Variants in ATP2A2 observed in about 807,000 individuals in gnomAD.
ATP2A2 encodes the protein sarcoplasmic/endoplasmic reticulum calcium ATPase 2.
ATP2A2 carries 14 observed loss-of-function variants against 109.3 expected under a neutral mutation model. That is an observed-to-expected ratio of 0.13 (90% CI 0.08 to 0.20). The LOEUF (loss-of-function observed/expected upper bound fraction) is 0.20, where lower values mean the gene tolerates loss of function less well. Among genes scored for constraint, ATP2A2 ranks in the 10% least tolerant of loss-of-function variants. The pLI, the probability that ATP2A2 is intolerant of heterozygous loss-of-function variation, is 1.00. For missense variants in ATP2A2, 657 were observed against 1,321.6 expected, an observed-to-expected ratio of 0.50 and a Z score of 7.80; for synonymous variants, 506 against 490.9, an observed-to-expected ratio of 1.03 and a Z score of -0.41.
chr12:110,295,001 A>G (rs1026155466), intron 4 of ATP2A2, among the ~76,000 whole-genome samples: 2 of 151,708 alleles, frequency 1.3e-5, no homozygotes, highest in Non-Finnish European at 1.5e-5. Flanking sequence ...TTGTATTTTT[A>G]GTAGAGACAG....
At chr12:110,338,402 G>A (rs770845727) in intron 11 of ATP2A2, among the ~76,000 whole-genome samples, 2 of 152,094 alleles carry the variant, frequency 1.3e-5, no homozygotes, top group Non-Finnish European at 2.9e-5. Context: ...CACCTCCAAC[G>A]TTCCCTAGTT....
intron 4 of ATP2A2, among the ~76,000 whole-genome samples, chr12:110,293,824 ATATGTGTGTGTGTGTGTGTGTG>A (rs1469582823): frequency 1.0e-4 from 13 of 126,382 alleles, no homozygotes; most frequent in Admixed American, 7.1e-4. Flanking sequence ...TGTGCCATAT[ATATGTGTGTGTGTGTGTGTGTG>A]TGTGTGTGTG....
chr12:110,285,977 G>A (rs960695265), intron 3 of ATP2A2, among the ~76,000 whole-genome samples: 1 of 149,030 alleles, frequency 6.7e-6, no homozygotes, highest in African/African-American at 2.5e-5. Flanking sequence ...GGGCTGGAGC[G>A]CAGTGGTGCA....
chr12:110,302,128 G>C (rs928667049), intron 5 of ATP2A2, among the ~76,000 whole-genome samples: 12 of 152,110 alleles, frequency 7.9e-5, no homozygotes, highest in Non-Finnish European at 1.6e-4. Context: ...TTGTGGTAAA[G>C]TATACATATT....
chr12:110,299,265 C>A (rs1874298461), intron 5 of ATP2A2, among the ~76,000 whole-genome samples: 1 of 152,010 alleles, frequency 6.6e-6, no homozygotes, highest in Admixed American at 6.6e-5. Context: ...GCCCACTGCG[C>A]CTGGCCCACA....
intron 18 of ATP2A2, 115 bp downstream of exon 18, chr12:110,345,497 G>C (rs775773963): frequency 3.1e-5 from 47 of 1,496,940 alleles, no homozygotes; most frequent in Admixed American, 5.3e-5. Flanking sequence ...CTTCCCAAAA[G>C]AAAGGAGAAC....
At position 110,347,884 on chromosome 12, in the gene ATP2A2, T is replaced by C. The variant is rs961394181; in HGVS notation, c.*1414T>C. ...GTATGTCACTAACTTATAAGCCGCC[T>C]CCATGGCAGATGCTGCTGTGCTCCC... On this transcript the variant is annotated 3_prime_UTR_variant, in exon 20 of 20. Transcript: ENST00000539276. 5.0e-6 allele frequency: 5 copies of C among 997,890 alleles called. No homozygotes were observed. The highest frequency in any genetic ancestry group is 6.0e-6 in the Non-Finnish European group (5 of 837,552). 61.8% of individuals were successfully genotyped at this position (997,890 alleles called of 1,614,324 possible).
intron 11 of ATP2A2, among the ~76,000 whole-genome samples, chr12:110,334,586 CTTTTT>C (rs67776124): frequency 8.7e-6 from 1 of 114,534 alleles, no homozygotes; most frequent in African/African-American, 3.4e-5. Context: ...TCAATTAAAC[CTTTTT>C]TTTTTTTTTT....
rs527733733 is a variant in ATP2A2 at position 110,347,602 on chromosome 12, A to G, written c.*1132A>G. The G allele has an allele frequency of 9.8e-4, 1,206 of 1,229,748 alleles. 3 individuals carry two copies. Among genetic ancestry groups the G allele is most frequent in the Middle Eastern group, 2.6e-3 (10 of 3,780 alleles). The allele number at this position is 1,229,748 out of a possible 1,614,324, so 76.2% of individuals were successfully genotyped here. A position where few individuals can be genotyped will look rare whatever the true frequency, so the allele number is the denominator to read the frequency against. On this transcript the variant is annotated 3_prime_UTR_variant, in exon 20 of 20. Coordinates refer to ENST00000539276, the MANE Select transcript of ATP2A2 (RefSeq NM_170665.4). The stretch of plus-strand genomic sequence containing the variant: ...TATGTGTGTGTTTTGTAAAATCTGT[A>G]AATAGCACATGACCAAATGAACATA...
intron 5 of ATP2A2, among the ~76,000 whole-genome samples, chr12:110,320,549 A>G (rs947434515): frequency 5.3e-5 from 8 of 152,248 alleles, no homozygotes; most frequent in African/African-American, 1.9e-4. Flanking sequence ...AGTATAGGGC[A>G]TGTTAGCTGT....
rs1592845840 is a variant in ATP2A2, at chr12:110,327,877, C to T, written c.955C>T (p.Leu319=). 1.2e-6 allele frequency: 2 copies of T among 1,613,996 alleles called. No individual in the cohort carries two copies. Among genetic ancestry groups the T allele is most frequent in the African/African-American group, 1.3e-5 (1 of 74,910 alleles). ...TCTGCCTGCAGTCATCACCACCTGC[C>T]TGGCTCTTGGAACTCGCAGAATGGC... ...EGLPAVITTC[L]ALGTRRMAKK... Residue 319 remains leucine (L), a synonymous_variant, in exon 8 of 20, where the codon CTG becomes TTG. Transcript: ENST00000539276. The surrounding 1 kb of genome is among the most constrained non-coding windows in gnomAD (Gnocchi z 4.4).
chr12:110,345,553 A>C, intron 18 of ATP2A2, 171 bp downstream of exon 18: 1 of 1,008,986 alleles, frequency 9.9e-7, no homozygotes, highest in South Asian at 1.4e-5. Context: ...ACCTCCAGGA[A>C]GTAGTGGGAG....
chr12:110,293,367 C>CTTTTTTTTTTT (rs1178977431), intron 4 of ATP2A2, among the ~76,000 whole-genome samples: 3 of 79,856 alleles, frequency 3.8e-5, no homozygotes, highest in Non-Finnish European at 4.8e-5. Context: ...CACTCCCGGC[C>CTTTTTTTTTTT]TTTTTTTTTT....
Position 110,348,921 on chromosome 12 carries a change from AT to A in ATP2A2, c.*2453del. On this transcript the variant is annotated 3_prime_UTR_variant, in exon 20 of 20. Coordinates refer to ENST00000539276, the MANE Select transcript of ATP2A2 (RefSeq NM_170665.4). ...CTGACTTGAGTGCTGCACTATTGCTATTCCGTGCAAACAAAACTCAGCTTTT... is the reference window on the plus strand; with the variant it reads ...CTGACTTGAGTGCTGCACTATTGCTATCCGTGCAAACAAAACTCAGCTTTT... The A allele has an allele frequency of 2.0e-6, 2 of 985,464 alleles. No homozygotes were observed. The highest frequency in any genetic ancestry group is 2.4e-6 in the Non-Finnish European group (2 of 829,954). 61.0% of individuals were successfully genotyped at this position (985,464 alleles called of 1,614,324 possible).
intron 3 of ATP2A2, among the ~76,000 whole-genome samples, chr12:110,288,584 T>C (rs1476857725): frequency 6.6e-6 from 1 of 152,094 alleles, no homozygotes; most frequent in African/African-American, 2.4e-5. Flanking sequence ...TTTTGTATTT[T>C]AGTAGAGATG....
chr12:110,345,068 C>A, intron 17 of ATP2A2, 97 bp downstream of exon 17: 3 of 1,499,476 alleles, frequency 2.0e-6, no homozygotes, highest in Non-Finnish European at 2.8e-6. Flanking sequence ...TCTTAAGACT[C>A]AGACAATAAA....
Position 110,322,974 on chromosome 12 carries a change from T to G in ATP2A2, c.464-18T>G. 1 of 1,596,886 alleles carries G rather than the reference T, an allele frequency of 6.3e-7. No homozygotes were observed. The highest frequency in any genetic ancestry group is 2.2e-5 in the East Asian group (1 of 44,786). On this transcript the variant is annotated intron_variant, in intron 5 of 19. Coordinates refer to ENST00000539276, the MANE Select transcript of ATP2A2 (RefSeq NM_170665.4). ...TAAAAGTTGCTCATTTCAGCCGCCT[T>G]TTTTTTCTCCTAATTAGTTGGTGAC...
At chr12:110,336,635 G>A (rs1466103999) in intron 11 of ATP2A2, among the ~76,000 whole-genome samples, 2 of 152,178 alleles carry the variant, frequency 1.3e-5, no homozygotes, top group Non-Finnish European at 2.9e-5. Flanking sequence ...TGGTCTTCCG[G>A]TTAGTGTGAG....
chr12:110,349,560 GC>G lies in ATP2A2; in HGVS notation c.*3092del. The G allele has an allele frequency of 1.0e-6, 1 of 986,466 alleles. No homozygotes were observed. Among genetic ancestry groups the G allele is most frequent in the Non-Finnish European group, 1.2e-6 (1 of 830,664 alleles). The allele number at this position is 986,466 out of a possible 1,614,324, so 61.1% of individuals were successfully genotyped here. A position where few individuals can be genotyped will look rare whatever the true frequency, so the allele number is the denominator to read the frequency against. Reference sequence around the variant, plus strand: ...AGCTCCCAGGCAAGCAGGGCATCTGGCCGACTTCCCTCACAACAGCTGCTCC... The same window carrying G: ...AGCTCCCAGGCAAGCAGGGCATCTGGCGACTTCCCTCACAACAGCTGCTCC... On this transcript the variant is annotated 3_prime_UTR_variant, in exon 20 of 20. Transcript: ENST00000539276.
Sources: allele counts gnomAD v4.1 joint callset (sites outside exome capture counted in the v4.1 genomes callset), GRCh38; gene constraint gnomAD v4.1.1; non-coding constraint Gnocchi (gnomAD v3.1); transcripts MANE v1.5; gene names NCBI Gene and HGNC (gene_info 2026-07-23, HGNC 2026-07-21).